The following GCSAML variants were observed in gnomAD, a reference collection of about 807,000 sequenced individuals.
GCSAML encodes the protein germinal center associated signaling and motility like.
In GCSAML, 9 loss-of-function variants were observed where a neutral mutation model predicts 13.0. That is an observed-to-expected ratio of 0.69 (90% confidence interval 0.42 to 1.21). GCSAML has a LOEUF of 1.21. GCSAML is among the 50% of genes most tolerant of loss of function. The probability of loss-of-function intolerance (pLI) is 0.00; values close to 1 mark genes in which losing one functional copy is unlikely to be tolerated. For missense variants in GCSAML, 143 were observed against 153.4 expected, an observed-to-expected ratio of 0.93 and a Z score of 0.36; for synonymous variants, 37 against 52.9, an observed-to-expected ratio of 0.70 and a Z score of 1.31.
chr1:247,573,067 C>A (rs1668686187), intron 4 of GCSAML, among the ~76,000 whole-genome samples: 3 of 152,218 alleles, frequency 2.0e-5, no homozygotes, highest in Non-Finnish European at 2.9e-5. Flanking sequence ...GCTGTGCTGG[C>A]AGCAAGAATT....
intron 1 of GCSAML, among the ~76,000 whole-genome samples, chr1:247,509,190 G>A (rs1558230223): frequency 6.6e-6 from 1 of 152,102 alleles, no homozygotes; most frequent in Non-Finnish European, 1.5e-5. Context: ...TCTGAGCAGT[G>A]GTTTGTAGTT....
chr1:247,571,279 A>G (rs1296043537), intron 4 of GCSAML, among the ~76,000 whole-genome samples: 1 of 152,188 alleles, frequency 6.6e-6, no homozygotes. Flanking sequence ...TTAGTTGAGC[A>G]GTTTCTTCAT....
At chr1:247,543,901 A>C (rs1385502435) in intron 2 of GCSAML, among the ~76,000 whole-genome samples, 3 of 152,248 alleles carry the variant, frequency 2.0e-5, no homozygotes, top group Non-Finnish European at 2.9e-5. Flanking sequence ...GGGATCCTCT[A>C]ATATCAGTCT....
At chr1:247,540,309 G>T (rs1306981778) in intron 2 of GCSAML, among the ~76,000 whole-genome samples, 1 of 152,200 alleles carries the variant, frequency 6.6e-6, no homozygotes, top group East Asian at 1.9e-4. Flanking sequence ...GGGATTATAG[G>T]CTTGAGCCAC....
intron 2 of GCSAML, among the ~76,000 whole-genome samples, chr1:247,534,167 A>G (rs1380274826): frequency 6.6e-6 from 1 of 152,194 alleles, no homozygotes; most frequent in Non-Finnish European, 1.5e-5. Context: ...TCTTATAACA[A>G]ATAAACTACT....
chr1:247,545,980 C>T (rs2859932), upstream of GCSAML, among the ~76,000 whole-genome samples: 1 of 151,606 alleles, frequency 6.6e-6, no homozygotes, highest in Non-Finnish European at 1.5e-5. Context: ...TCACGAAGAG[C>T]TACAAGGAAA....
chr1:247,520,912 T>G (rs1445776697), intron 1 of GCSAML, among the ~76,000 whole-genome samples: 1 of 152,242 alleles, frequency 6.6e-6, no homozygotes, highest in Non-Finnish European at 1.5e-5. Flanking sequence ...TCTTCTGTGT[T>G]TCTTATTAAG....
chr1:247,522,727 G>T (rs942624531), intron 1 of GCSAML, among the ~76,000 whole-genome samples: 3 of 152,108 alleles, frequency 2.0e-5, no homozygotes, highest in African/African-American at 7.2e-5. Flanking sequence ...TGCTCATTAA[G>T]AGTCATCACC....
chr1:247,543,568 C>T (rs1001086998), intron 2 of GCSAML, among the ~76,000 whole-genome samples: 3 of 152,022 alleles, frequency 2.0e-5, no homozygotes, highest in East Asian at 1.9e-4. Context: ...TAGTAATTAT[C>T]GTGGACAAAG....
intron 1 of GCSAML, among the ~76,000 whole-genome samples, chr1:247,524,474 C>T (rs765703069): frequency 1.3e-5 from 2 of 152,180 alleles, no homozygotes; most frequent in Non-Finnish European, 1.5e-5. Flanking sequence ...GGCAGTTGAT[C>T]GTATCTCTTA....
intron 1 of GCSAML, among the ~76,000 whole-genome samples, chr1:247,510,301 T>C (rs1291488236): frequency 6.6e-6 from 1 of 152,220 alleles, no homozygotes; most frequent in Non-Finnish European, 1.5e-5. Flanking sequence ...GAGGTGTTTA[T>C]ACTATTCTCT....
intron 2 of GCSAML, chr1:247,528,305 T>A (rs529890815): frequency 6.6e-6 from 1 of 152,320 alleles, no homozygotes; most frequent in East Asian, 1.9e-4. Context: ...GATGTTTTGA[T>A]ACATGTATAC....
At chr1:247,560,611 T>G (rs1044640147) in intron 2 of GCSAML, among the ~76,000 whole-genome samples, 2 of 152,232 alleles carry the variant, frequency 1.3e-5, no homozygotes, top group African/African-American at 4.8e-5. Context: ...CTCACCTTTC[T>G]TGAGCTATGA....
At chr1:247,510,982 G>C (rs564234217) in intron 1 of GCSAML, among the ~76,000 whole-genome samples, 1 of 152,282 alleles carries the variant, frequency 6.6e-6, no homozygotes, top group East Asian at 1.9e-4. Flanking sequence ...TGTTGATCTG[G>C]GGTGGAGAGT....
intron 1 of GCSAML, among the ~76,000 whole-genome samples, chr1:247,509,119 T>C (rs1182117147): frequency 6.6e-6 from 1 of 152,254 alleles, no homozygotes; most frequent in African/African-American, 2.4e-5. Context: ...CTTCACGAAT[T>C]AATTCTTCCT....
In GCSAML at chr1:247,527,207, C is replaced by A. The variant is rs1666716096; in HGVS notation, c.-148+153C>A. On this transcript the variant is annotated intron_variant, in intron 2 of 5. Coordinates refer to the GCSAML transcript ENST00000366489. The surrounding 1 kb of genome is among the most constrained non-coding windows in gnomAD (Gnocchi z 4.6). ...GAGAGTGTGAGTTATGGTCATCATT[C>A]TCCTCTGTGCCAAACAGGGGCTGAT... 2 of 394,728 alleles carry A rather than the reference C, an allele frequency of 5.1e-6. No homozygotes were observed. The highest frequency in any genetic ancestry group is 5.1e-6 in the Non-Finnish European group (1 of 198,012). The allele number at this position is 394,728 out of a possible 1,614,324, so 24.5% of individuals were successfully genotyped here.
At chr1:247,573,096 G>C (rs1668687786) in intron 4 of GCSAML, among the ~76,000 whole-genome samples, 1 of 152,230 alleles carries the variant, frequency 6.6e-6, no homozygotes, top group Non-Finnish European at 1.5e-5. Context: ...GAGGATCTTA[G>C]CTTGCTGGGC....
chr1:247,510,855 T>C (rs1012353845), intron 1 of GCSAML, among the ~76,000 whole-genome samples: 6 of 152,258 alleles, frequency 3.9e-5, no homozygotes, highest in African/African-American at 1.4e-4. Flanking sequence ...CACTGTGGTC[T>C]GAGAGACTGT....
At chr1:247,524,186 T>C (rs1015445834) in intron 1 of GCSAML, among the ~76,000 whole-genome samples, 1 of 152,214 alleles carries the variant, frequency 6.6e-6, no homozygotes, top group African/African-American at 2.4e-5. Flanking sequence ...TCTGAAAATA[T>C]GAAATTCCAT....
Sources: gnomAD v4.1 joint callset for allele counts (sites outside exome capture counted in the v4.1 genomes callset) on GRCh38, gnomAD v4.1.1 for gene constraint, Gnocchi (gnomAD v3.1) non-coding constraint, MANE v1.5 for transcripts, NCBI Gene and HGNC (gene_info 2026-07-23, HGNC 2026-07-21) for gene names.